Variants in GNAQ observed in about 807,000 individuals in gnomAD.
GNAQ encodes the protein G protein subunit alpha q.
Under a neutral mutation model 43.9 loss-of-function variants are expected in GNAQ, and 8 were observed. The observed-to-expected ratio is 0.18, with a 90% CI of 0.11 to 0.33. GNAQ has a LOEUF of 0.33. GNAQ is among the 10% of genes least tolerant of loss of function. GNAQ has a pLI of 1.00. For synonymous variants in GNAQ, 155 were observed against 170.7 expected (o/e 0.91, Z 0.71); for missense variants, 158 against 450.8 (o/e 0.35, Z 5.88).
At chr9:77,753,692 C>T (rs1825853863) in intron 5 of GNAQ, among the ~76,000 whole-genome samples, 1 of 152,064 alleles carries the variant, frequency 6.6e-6, no homozygotes, top group Admixed American at 6.5e-5. Context: ...CTCCGTTTTC[C>T]CTAGAGAGGT....
chr9:77,891,958 T>A (rs77609108), intron 2 of GNAQ, among the ~76,000 whole-genome samples: 1 of 152,342 alleles, frequency 6.6e-6, no homozygotes, highest in East Asian at 1.9e-4. Flanking sequence ...GAAATAAGCC[T>A]TTAAATACTA....
rs575617641 is a variant in GNAQ at position 77,983,132 on chromosome 9, A to T, written c.136+47968T>A. ...TACTGGGGTAGAAAGGGCTGAAGTA[A>T]CTGTGGAAACACTGCCTACATAGAA... On this transcript the variant is annotated intron_variant, in intron 1 of 6. Transcript: ENST00000286548. Among the ~76,000 whole-genome samples the T allele has an allele frequency of 1.1e-4, 17 of 152,328 alleles. No homozygotes were observed. The South Asian group carries it at 3.3e-3, about 30-fold the overall frequency.
At chr9:77,796,830 A>G (rs1350166125) in intron 4 of GNAQ, among the ~76,000 whole-genome samples, 1 of 152,190 alleles carries the variant, frequency 6.6e-6, no homozygotes, top group Non-Finnish European at 1.5e-5. Flanking sequence ...TCTGTGATTG[A>G]CAGCATCATA....
At chr9:77,853,884 C>T (rs549229680) in intron 2 of GNAQ, among the ~76,000 whole-genome samples, 11 of 146,836 alleles carry the variant, frequency 7.5e-5, no homozygotes, top group Admixed American at 4.1e-4. Context: ...TCCACTATTA[C>T]ATAAACCACC....
intron 5 of GNAQ, among the ~76,000 whole-genome samples, chr9:77,781,977 AAC>A (rs1410630642): frequency 2.0e-5 from 3 of 152,146 alleles, no homozygotes; most frequent in Admixed American, 6.5e-5. Context: ...GTCTCCTCTC[AAC>A]ACTCCTTTTC....
intron 2 of GNAQ, among the ~76,000 whole-genome samples, chr9:77,816,016 C>T (rs916265191): frequency 3.9e-5 from 6 of 151,978 alleles, no homozygotes; most frequent in East Asian, 1.9e-4. Flanking sequence ...AGGAAGGTGG[C>T]GTATTCAGCT....
chr9:77,862,393 G>A (rs1827869057), intron 2 of GNAQ, among the ~76,000 whole-genome samples: 2 of 152,188 alleles, frequency 1.3e-5, no homozygotes, highest in African/African-American at 4.8e-5. Context: ...AATCTAGGTG[G>A]AGGTTCCCAA....
chr9:77,904,317 CTTTTTTTTTTTTT>C lies in GNAQ; in HGVS notation c.321+17831_321+17843del, dbSNP rs554783626. Among the ~76,000 whole-genome samples, 337 of 77,426 alleles carry C rather than the reference CTTTTTTTTTTTTT, an allele frequency of 4.4e-3. 3 individuals carry two copies. Among genetic ancestry groups the C allele is most frequent in the African/African-American group, 0.016 (286 of 17,646 alleles). The allele number at this position is 77,426 out of a possible 152,430, so 50.8% of individuals were successfully genotyped here. On this transcript the variant is annotated intron_variant, in intron 2 of 6. Transcript: ENST00000286548. ...TGGAGTTAACAGAAGTTCACACCGG[CTTTTTTTTTTTTT>C]TTTTTTTTTTTTTTTTTTGTGAGAC...
chr9:77,860,014 AGAAAG>A (rs1461310949), intron 2 of GNAQ, among the ~76,000 whole-genome samples: 1 of 152,240 alleles, frequency 6.6e-6, no homozygotes, highest in Non-Finnish European at 1.5e-5. Flanking sequence ...AATTTATAAC[AGAAAG>A]GAAAGAAATG....
intron 2 of GNAQ, among the ~76,000 whole-genome samples, chr9:77,826,071 A>G (rs867500042): frequency 6.6e-5 from 10 of 152,352 alleles, no homozygotes; most frequent in Middle Eastern, 3.4e-3. Context: ...CACTGCATCC[A>G]TATTCCAAGA....
chr9:77,832,930 A>C (rs1827324042), intron 2 of GNAQ, among the ~76,000 whole-genome samples: 1 of 152,160 alleles, frequency 6.6e-6, no homozygotes, highest in Non-Finnish European at 1.5e-5. Flanking sequence ...GCTCAGACTA[A>C]CTGCAGGCCT....
At chr9:77,760,045 G>A (rs928861189) in intron 5 of GNAQ, among the ~76,000 whole-genome samples, 7 of 139,850 alleles carry the variant, frequency 5.0e-5, no homozygotes, top group Non-Finnish European at 9.5e-5. Context: ...ACAGGCATGA[G>A]CCACCATGCC....
chr9:78,009,722 T>C (rs1823751003), intron 1 of GNAQ, among the ~76,000 whole-genome samples: 2 of 152,192 alleles, frequency 1.3e-5, no homozygotes, highest in South Asian at 2.1e-4. Context: ...GAATTACAAA[T>C]GCTAGAAATT....
chr9:77,831,299 A>G (rs1433071314), intron 2 of GNAQ, among the ~76,000 whole-genome samples: 1 of 152,360 alleles, frequency 6.6e-6, no homozygotes, highest in Non-Finnish European at 1.5e-5. Context: ...AAAAGCCAAA[A>G]TAACTTTTAA....
Position 78,031,496 on chromosome 9 carries a change from C to CG in GNAQ, c.-262dup, listed in dbSNP as rs1277129618. 4 of 165,992 alleles carry CG rather than the reference C, an allele frequency of 2.4e-5. No homozygotes were observed. The highest frequency in any genetic ancestry group is 1.3e-5 in the Non-Finnish European group (1 of 76,862). The allele number at this position is 165,992 out of a possible 1,614,324, so 10.3% of individuals were successfully genotyped here. ...CGGGCGCGGGAGGCGGGCGCTGGCT[C>CG]GGGGGGCGCGTGAGAGAAGGCCGCC... On this transcript the variant is annotated 5_prime_UTR_variant, in exon 1 of 7. Transcript: ENST00000286548.
chr9:77,968,786 T>A (rs1823200419), intron 1 of GNAQ, among the ~76,000 whole-genome samples: 1 of 152,126 alleles, frequency 6.6e-6, no homozygotes, highest in South Asian at 2.1e-4. Context: ...CCGGGGCTCT[T>A]AAAGAGGAAC....
At position 77,970,542 on chromosome 9, in the gene GNAQ, C is replaced by T. The variant is rs138390164; in HGVS notation, c.137-48197G>A. On this transcript the variant is annotated intron_variant, in intron 1 of 6. Coordinates refer to ENST00000286548, the MANE Select transcript of GNAQ (RefSeq NM_002072.5). ...ATCCTTAAAACATTAACTTTAAAAACATAGACTAAGATTTGAAGGGAGAAA... is the reference window on the plus strand; with the variant it reads ...ATCCTTAAAACATTAACTTTAAAAATATAGACTAAGATTTGAAGGGAGAAA... Among the ~76,000 whole-genome samples, 790 of 152,230 alleles carry T rather than the reference C, an allele frequency of 5.2e-3. 9 individuals carry two copies. Among genetic ancestry groups the T allele is most frequent in the African/African-American group, 0.018 (751 of 41,536 alleles).
intron 2 of GNAQ, among the ~76,000 whole-genome samples, chr9:77,826,524 C>A (rs143085756): frequency 2.0e-5 from 3 of 152,310 alleles, no homozygotes; most frequent in Non-Finnish European, 4.4e-5. Context: ...CCAACACACA[C>A]AAGTCTAAAC....
chr9:77,727,143 G>A (rs540719601), intron 6 of GNAQ, among the ~76,000 whole-genome samples: 1 of 148,934 alleles, frequency 6.7e-6, no homozygotes, highest in Non-Finnish European at 1.5e-5. Flanking sequence ...GGAGTATAGT[G>A]GCAGGATCAT....
Sources: allele counts gnomAD v4.1 joint callset (sites outside exome capture counted in the v4.1 genomes callset), GRCh38; gene constraint gnomAD v4.1.1; transcripts MANE v1.5; gene names NCBI Gene and HGNC (gene_info 2026-07-23, HGNC 2026-07-21).